The following CCT8 variants were observed in gnomAD, a reference collection of about 807,000 sequenced individuals.
CCT8 encodes chaperonin containing TCP1 subunit 8.
A neutral mutation model predicts 65.7 loss-of-function variants in CCT8; 10 were observed. The observed-to-expected ratio is 0.15, with a 90% CI of 0.09 to 0.26. The LOEUF is 0.26. Among genes scored for constraint, CCT8 ranks in the 10% least tolerant of loss-of-function variants. The pLI is 1.00. For missense variants in CCT8, 568 were observed against 669.1 expected, an observed-to-expected ratio of 0.85 and a Z score of 1.67; for synonymous variants, 199 against 221.8, an observed-to-expected ratio of 0.90 and a Z score of 0.92.
Position 29,069,512 on chromosome 21 carries a change from A to T in CCT8, c.152-10T>A. ...ACCATTTTGTTCATTCCTCAAAAGT[A>T]ACAGTTAAAAAAAGAAAAAGAAAGC... On this transcript the variant is annotated splice_polypyrimidine_tract_variant and intron_variant, in intron 2 of 14. Transcript: ENST00000286788. The T allele has an allele frequency of 6.6e-7, 1 of 1,513,052 alleles. No individual in the cohort carries two copies. The highest frequency in any genetic ancestry group is 8.9e-7 in the Non-Finnish European group (1 of 1,124,456). 93.7% of individuals were successfully genotyped at this position (1,513,052 alleles called of 1,614,324 possible).
At chr21:29,060,484 A>G (rs1218024246) in intron 14 of CCT8, 57 bp downstream of exon 14, 2 of 1,546,160 alleles carry the variant, frequency 1.3e-6, no homozygotes, top group Non-Finnish European at 1.8e-6. Flanking sequence ...GGGAAAATAT[A>G]CTATTAAACA....
At chr21:29,070,398 C>T in intron 1 of CCT8, 61 bp from the exon 2 acceptor site, 2 of 986,362 alleles carry the variant, frequency 2.0e-6, no homozygotes, top group South Asian at 1.5e-5. Flanking sequence ...ACAAAAATTT[C>T]AAATACAAGA....
Position 29,063,364 on chromosome 21 carries a change from ATAT to A in CCT8, c.926_928del (p.Asn309del), listed in dbSNP as rs914989603. On this transcript the variant is annotated inframe_deletion, in exon 8 of 15. Coordinates refer to ENST00000286788, the MANE Select transcript of CCT8 (RefSeq NM_006585.4). ...GGCTTTTTCTTACCTCACTAACATG[ATAT>A]TATATTTATTTGCATAATGAAGAGC... 1.1e-5 allele frequency: 18 copies of A among 1,612,302 alleles called. No homozygotes were observed. The highest frequency in any genetic ancestry group is 1.4e-5 in the Non-Finnish European group (17 of 1,179,772).
intron 3 of CCT8, among the ~76,000 whole-genome samples, chr21:29,068,652 A>G (rs2085650341): frequency 6.6e-6 from 1 of 152,064 alleles, no homozygotes. Flanking sequence ...TTTAGTAGAG[A>G]TGGGGTTTCA....
chr21:29,070,411 T>C (rs1216884526), intron 1 of CCT8, 74 bp from the exon 2 acceptor site: 2 of 839,812 alleles, frequency 2.4e-6, no homozygotes, highest in Non-Finnish European at 1.9e-6. Flanking sequence ...ATACAAGATA[T>C]CTTTGCTTAT....
intron 6 of CCT8, 31 bp from the exon 7 acceptor site, chr21:29,065,136 A>G (rs879035328): frequency 5.6e-6 from 9 of 1,606,518 alleles, no homozygotes; most frequent in South Asian, 5.5e-5. Flanking sequence ...CTCATCAGCA[A>G]TCTCCTGAAA....
chr21:29,063,274 G>A (rs768066904), intron 8 of CCT8, 78 bp downstream of exon 8: 1 of 1,081,372 alleles, frequency 9.2e-7, no homozygotes, highest in Non-Finnish European at 1.4e-6. Flanking sequence ...CAGTCTTCAT[G>A]GTCTATTTCG....
At chr21:29,064,840 G>T in intron 7 of CCT8, 128 bp downstream of exon 7, 1 of 698,414 alleles carries the variant, frequency 1.4e-6, no homozygotes, top group Non-Finnish European at 2.4e-6. Context: ...TATAAATCTG[G>T]CATAAAAAAA....
At chr21:29,068,492 C>T (rs562551273) in intron 3 of CCT8, among the ~76,000 whole-genome samples, 4 of 151,894 alleles carry the variant, frequency 2.6e-5, no homozygotes, top group African/African-American at 9.7e-5. Context: ...TGGAGTCTTG[C>T]TCTGTCGCCC....
intron 3 of CCT8, among the ~76,000 whole-genome samples, chr21:29,068,432 T>C (rs2085646908): frequency 6.6e-6 from 1 of 152,022 alleles, no homozygotes; most frequent in African/African-American, 2.4e-5. Context: ...TTAACTTAAG[T>C]TCTTTAAGAA....
intron 1 of CCT8, chr21:29,071,829 C>A: frequency 1.6e-6 from 1 of 644,244 alleles, no homozygotes. Context: ...CAGATCCCCT[C>A]ATTCCCATAC....
At chr21:29,057,784 GATATGTATGAT>G (rs1174091896) in intron 14 of CCT8, among the ~76,000 whole-genome samples, 1 of 136,020 alleles carries the variant, frequency 7.4e-6, no homozygotes, top group Admixed American at 7.3e-5. Context: ...ATATATATGA[GATATGTATGAT>G]ATATACATAT....
In CCT8 at chr21:29,060,325, A is replaced by T. The variant is rs560358173; in HGVS notation, c.1569+216T>A. Reference sequence around the variant, plus strand: ...TAAATTTACTCTCTAAATTATTTGTACAAATGGGTTCTAAGGCTAAAAGGT... The same window carrying T: ...TAAATTTACTCTCTAAATTATTTGTTCAAATGGGTTCTAAGGCTAAAAGGT... On this transcript the variant is annotated intron_variant, in intron 14 of 14. Transcript: ENST00000286788. 3.0e-4 allele frequency among the ~76,000 whole-genome samples: 45 copies of T among 152,274 alleles called. 1 individual carries two copies. The highest frequency in any genetic ancestry group is 9.6e-4 in the African/African-American group (40 of 41,562).
intron 2 of CCT8, 26 bp from the exon 3 acceptor site, chr21:29,069,528 A>G: frequency 7.2e-7 from 1 of 1,390,150 alleles, no homozygotes; most frequent in East Asian, 2.4e-5. Flanking sequence ...TAAAAAAAGA[A>G]AAAGAAAGCC....
Position 29,066,959 on chromosome 21 carries a change from C to A in CCT8, c.494G>T (p.Arg165Leu), listed in dbSNP as rs145895598. Residue 165 changes from arginine to leucine, a missense_variant, in exon 5 of 15, where the codon CGT (arginine) becomes CTT (leucine). Physicochemically the swap from Arg to Leu is moderately radical, Grantham distance 102. Coordinates refer to ENST00000286788, the MANE Select transcript of CCT8 (RefSeq NM_006585.4). ...RDIDEVSSLL[R>L]TSIMSKQYGN... ...ATATTGTTTACTCATTATGGAGGTA[C>A]GAAGTAGAGATGAGACTTCATCAAT... 1.9e-6 allele frequency: 3 copies of A among 1,613,208 alleles called. No individual in the cohort carries two copies. The highest frequency in any genetic ancestry group is 2.5e-6 in the Non-Finnish European group (3 of 1,179,412).
chr21:29,062,768 C>T (rs148467740), intron 8 of CCT8: 15 of 586,190 alleles, frequency 2.6e-5, no homozygotes, highest in African/African-American at 2.2e-4. Context: ...AATAGTACCA[C>T]ATCTTAAGCC....
At chr21:29,071,765 T>C (rs1402576990) in intron 1 of CCT8, among the ~76,000 whole-genome samples, 1 of 152,152 alleles carries the variant, frequency 6.6e-6, no homozygotes, top group South Asian at 2.1e-4. Flanking sequence ...ACTCCTGGCT[T>C]ACACTCTTGC....
At chr21:29,070,186 A>C in intron 2 of CCT8, 61 bp downstream of exon 2, 1 of 1,017,854 alleles carries the variant, frequency 9.8e-7, no homozygotes, top group Admixed American at 2.3e-5. Context: ...CAAGTCTGAA[A>C]GAAGACGTAG....
intron 11 of CCT8, 69 bp from the exon 12 acceptor site, chr21:29,061,636 T>C: frequency 6.9e-7 from 1 of 1,448,220 alleles, no homozygotes; most frequent in Admixed American, 1.7e-5. Flanking sequence ...AGTTTGCAGT[T>C]TTCTAATCTT....
Sources: gnomAD v4.1 joint callset for allele counts (sites outside exome capture counted in the v4.1 genomes callset) on GRCh38, gnomAD v4.1.1 for gene constraint, MANE v1.5 for transcripts, NCBI Gene and HGNC (gene_info 2026-07-23, HGNC 2026-07-21) for gene names.